The following RIPOR3 variants were observed in gnomAD, a reference collection of about 807,000 sequenced individuals.
The protein encoded by RIPOR3 is RIPOR family member 3, also known as family with sequence similarity 65 member C.
Under a neutral mutation model 114.3 loss-of-function variants are expected in RIPOR3, and 95 were observed. The observed-to-expected ratio is 0.83, with a 90% confidence interval of 0.70 to 0.99. RIPOR3 has a LOEUF of 0.99. Ranked by LOEUF, RIPOR3 falls within the 50% of genes least tolerant of loss-of-function variation. The probability of loss-of-function intolerance (pLI) is 0.00; values close to 1 mark genes in which losing one functional copy is unlikely to be tolerated. For missense variants in RIPOR3, 1,252 were observed against 1,266.9 expected, an observed-to-expected ratio of 0.99 and a Z score of 0.18; for synonymous variants, 575 against 543.8, an observed-to-expected ratio of 1.06 and a Z score of -0.80.
At chr20:50,682,490 C>G (rs924185565) in intron 1 of RIPOR3, among the ~76,000 whole-genome samples, 2 of 151,876 alleles carry the variant, frequency 1.3e-5, no homozygotes, top group African/African-American at 2.4e-5. Context: ...GCCTGTAGTC[C>G]CAGCTACCAG....
chr20:50,636,923 G>C, intron 1 of RIPOR3: 3 of 985,110 alleles, frequency 3.0e-6, no homozygotes, highest in Non-Finnish European at 3.6e-6. Flanking sequence ...TTTTATGCCT[G>C]AGTCCCTCAC....
At chr20:50,628,468 G>C (rs1568889478) in intron 2 of RIPOR3, among the ~76,000 whole-genome samples, 1 of 151,988 alleles carries the variant, frequency 6.6e-6, no homozygotes, top group Non-Finnish European at 1.5e-5. Context: ...ATCTGCACTC[G>C]CAGCTGCCTC....
chr20:50,682,907 A>G (rs1180927081), intron 1 of RIPOR3, among the ~76,000 whole-genome samples: 1 of 151,842 alleles, frequency 6.6e-6, no homozygotes. Flanking sequence ...TTATATTTTT[A>G]GTAGAGACGG....
chr20:50,625,157 G>A (rs542499966), intron 2 of RIPOR3, among the ~76,000 whole-genome samples: 40 of 151,664 alleles, frequency 2.6e-4, no homozygotes, highest in African/African-American at 8.5e-4. Flanking sequence ...TGTAGCCTCC[G>A]CCTCCTGGGC....
intron 19 of RIPOR3, among the ~76,000 whole-genome samples, chr20:50,591,286 TGTTAGA>T (rs1053695661): frequency 5.3e-5 from 8 of 152,092 alleles, no homozygotes; most frequent in Non-Finnish European, 8.8e-5. Flanking sequence ...AAGATAATGG[TGTTAGA>T]GTTGTGATTT....
chr20:50,648,215 G>A (rs1483858643), intron 1 of RIPOR3, among the ~76,000 whole-genome samples: 1 of 151,910 alleles, frequency 6.6e-6, no homozygotes, highest in African/African-American at 2.4e-5. Context: ...GGCAGAGGTT[G>A]CAGTGAGCTG....
chr20:50,612,246 T>C (rs2084004549), intron 4 of RIPOR3, among the ~76,000 whole-genome samples: 1 of 152,016 alleles, frequency 6.6e-6, no homozygotes, highest in Non-Finnish European at 1.5e-5. Context: ...GGAAGTGCTG[T>C]ACCTGCCTGT....
intron 19 of RIPOR3, among the ~76,000 whole-genome samples, chr20:50,590,513 A>G (rs1568813127): frequency 6.6e-6 from 1 of 152,204 alleles, no homozygotes; most frequent in Non-Finnish European, 1.5e-5. Flanking sequence ...CCCAGAGCCA[A>G]AAGAGAATGG....
intron 19 of RIPOR3, among the ~76,000 whole-genome samples, chr20:50,591,713 A>AAG: frequency 6.6e-6 from 1 of 152,188 alleles, no homozygotes; most frequent in South Asian, 2.1e-4. Context: ...AGAGAGGTCC[A>AAG]CTCTCTTGGT....
rs76610758 is a variant in RIPOR3 at position 50,597,876 on chromosome 20, C to T, written c.1660-166G>A. ...CCAGCCGCTGGCCCAAGGCGTGGCA[C>T]TGGGCGTGTCACCCCCCAAAGTCCC... On this transcript the variant is annotated intron_variant, in intron 13 of 21. Coordinates refer to ENST00000327979, the MANE Select transcript of RIPOR3 (RefSeq NM_001290268.2). Among the ~76,000 whole-genome samples, 490 of 152,350 alleles carry T rather than the reference C, an allele frequency of 3.2e-3. 2 individuals are homozygous for T. The highest frequency in any genetic ancestry group is 0.011 in the African/African-American group (458 of 41,590).
At chr20:50,633,824 A>ACCT (rs1038640759) in intron 1 of RIPOR3, among the ~76,000 whole-genome samples, 1 of 152,152 alleles carries the variant, frequency 6.6e-6, no homozygotes, top group Admixed American at 6.5e-5. Flanking sequence ...CTCGGAGCAG[A>ACCT]CCTGCAGAAC....
chr20:50,595,124 G>A, intron 16 of RIPOR3: 1 of 558,556 alleles, frequency 1.8e-6, no homozygotes. Context: ...GGAAGCAGAG[G>A]CTCAGAGATG....
intron 1 of RIPOR3, among the ~76,000 whole-genome samples, chr20:50,646,303 T>C (rs1242857927): frequency 6.6e-6 from 1 of 152,096 alleles, no homozygotes; most frequent in Non-Finnish European, 1.5e-5. Context: ...AATTTTTGTA[T>C]CTTTGGTTAG....
intron 1 of RIPOR3, among the ~76,000 whole-genome samples, chr20:50,677,212 G>C (rs1158527825): frequency 6.6e-6 from 1 of 151,948 alleles, no homozygotes; most frequent in Non-Finnish European, 1.5e-5. Flanking sequence ...AAGTGCCTGT[G>C]GCCCAGACAT....
At chr20:50,598,979 C>G (rs2083399909) in intron 13 of RIPOR3, among the ~76,000 whole-genome samples, 1 of 151,878 alleles carries the variant, frequency 6.6e-6, no homozygotes. Flanking sequence ...AAAAGCTGAA[C>G]CATTGCTCCT....
At chr20:50,672,131 C>G (rs551363475) in intron 1 of RIPOR3, among the ~76,000 whole-genome samples, 22 of 152,218 alleles carry the variant, frequency 1.4e-4, no homozygotes, top group African/African-American at 5.3e-4. Context: ...GAAGCCCAAT[C>G]AGTAAGTCCC....
At chr20:50,595,138 A>G in intron 16 of RIPOR3, 1 of 577,914 alleles carries the variant, frequency 1.7e-6, no homozygotes, top group Non-Finnish European at 3.1e-6. Flanking sequence ...AGAGATGTGA[A>G]TCATTTGCCT....
At chr20:50,678,940 C>T (rs2086763409) in intron 1 of RIPOR3, among the ~76,000 whole-genome samples, 1 of 149,926 alleles carries the variant, frequency 6.7e-6, no homozygotes, top group African/African-American at 2.5e-5. Context: ...TTCATCTCTA[C>T]AAAAAATTCA....
chr20:50,597,498 G>A, intron 14 of RIPOR3, 82 bp downstream of exon 14: 2 of 1,527,360 alleles, frequency 1.3e-6, no homozygotes, highest in East Asian at 4.9e-5. Context: ...AACAGACGGG[G>A]AGGCTGGCAG....
Sources: allele counts gnomAD v4.1 joint callset (sites outside exome capture counted in the v4.1 genomes callset), GRCh38; gene constraint gnomAD v4.1.1; transcripts MANE v1.5; gene names NCBI Gene and HGNC (gene_info 2026-07-23, HGNC 2026-07-21).